DYTN: variants seen among roughly 807,000 people sequenced by gnomAD.
DYTN encodes dystrotelin.
DYTN carries 75 observed loss-of-function variants against 69.6 expected under a neutral mutation model. That is an observed-to-expected ratio of 1.08 (90% confidence interval 0.89 to 1.31). The LOEUF is 1.31. Ranked by LOEUF, DYTN falls within the 50% of genes most tolerant of loss-of-function variation. DYTN has a pLI of 0.00. For synonymous variants in DYTN, 252 were observed against 249.1 expected, an observed-to-expected ratio of 1.01 and a Z score of -0.11; for missense variants, 726 against 688.4, an observed-to-expected ratio of 1.05 and a Z score of -0.61.
intron 1 of DYTN, among the ~76,000 whole-genome samples, chr2:206,716,137 G>A (rs961739070): frequency 5.3e-5 from 8 of 151,994 alleles, no homozygotes; most frequent in Admixed American, 3.3e-4. Flanking sequence ...GAAAGAAAGT[G>A]AACTCAGCCT....
chr2:206,651,626 A>C lies in DYTN; in HGVS notation c.*192T>G, dbSNP rs774849011. The C allele has an allele frequency of 1.4e-3, 739 of 535,114 alleles. 3 individuals are homozygous for C. The highest frequency in any genetic ancestry group is 1.9e-3 in the Non-Finnish European group (548 of 291,072). The allele number at this position is 535,114 out of a possible 1,614,324, so 33.1% of individuals were successfully genotyped here. A position where few individuals can be genotyped will look rare whatever the true frequency, so the allele number is the denominator to read the frequency against. ...TTCTTCATCCTCTACTCGCCCTGCT[A>C]ACCCCCAACCTTCACTCTGAACTGC... On this transcript the variant is annotated 3_prime_UTR_variant, in exon 12 of 12. Coordinates refer to ENST00000452335, the MANE Select transcript of DYTN (RefSeq NM_001093730.1).
At chr2:206,676,140 G>T (rs190830359) in intron 9 of DYTN, among the ~76,000 whole-genome samples, 14 of 152,288 alleles carry the variant, frequency 9.2e-5, no homozygotes, top group Non-Finnish European at 2.9e-5. Context: ...TAGGTTTAAT[G>T]CAGCACTATT....
intron 9 of DYTN, among the ~76,000 whole-genome samples, chr2:206,678,302 A>T (rs949900805): frequency 1.3e-5 from 2 of 152,234 alleles, no homozygotes; most frequent in Non-Finnish European, 2.9e-5. Flanking sequence ...ACAAGGCGAT[A>T]GTCAATATTA....
chr2:206,653,365 T>C (rs1012176167), intron 11 of DYTN, among the ~76,000 whole-genome samples: 24 of 152,228 alleles, frequency 1.6e-4, no homozygotes, highest in Admixed American at 6.5e-5. Context: ...AGCATGTTGC[T>C]TGGCATATAT....
intron 1 of DYTN, among the ~76,000 whole-genome samples, chr2:206,715,345 G>C (rs764775208): frequency 6.6e-6 from 1 of 152,116 alleles, no homozygotes; most frequent in East Asian, 1.9e-4. Context: ...CCAGAGGCGA[G>C]GGGGAGGGGA....
rs1699589374 is a variant in DYTN at position 206,667,736 on chromosome 2, A to G, written c.981-1707T>C. ...TGTGTGTGTGTGTGTGTGTGTTGACATGTCTTCTGGATCAGGCCTAAAATA... is the reference window on the plus strand; with the variant it reads ...TGTGTGTGTGTGTGTGTGTGTTGACGTGTCTTCTGGATCAGGCCTAAAATA... On this transcript the variant is annotated intron_variant, in intron 9 of 11. Transcript: ENST00000452335. Among the ~76,000 whole-genome samples the G allele has an allele frequency of 3.5e-5, 5 of 141,964 alleles. No individual in the cohort carries two copies. In the Admixed American group the frequency reaches 3.5e-4, roughly 10 times the overall value. The allele number at this position is 141,964 out of a possible 152,430, so 93.1% of individuals were successfully genotyped here. A position where few individuals can be genotyped will look rare whatever the true frequency, so the allele number is the denominator to read the frequency against.
chr2:206,688,736 AT>A (rs1699836714), intron 9 of DYTN, among the ~76,000 whole-genome samples: 1 of 152,198 alleles, frequency 6.6e-6, no homozygotes, highest in African/African-American at 2.4e-5. Context: ...TAGTCTTCTC[AT>A]TTAGAAATTT....
rs79683438 is a variant in DYTN at position 206,664,074 on chromosome 2, A to G, written c.1141-679T>C. Among the ~76,000 whole-genome samples, 9 of 111,350 alleles carry G rather than the reference A, an allele frequency of 8.1e-5. No individual in the cohort carries two copies. In the East Asian group the frequency reaches 1.5e-3, roughly 18 times the overall value. 73.0% of individuals were successfully genotyped at this position (111,350 alleles called of 152,430 possible). A position where few individuals can be genotyped will look rare whatever the true frequency, so the allele number is the denominator to read the frequency against. ...CTTCACCCTCATACACTAGCAGTGG[A>G]AAAAAAAAAAAGCCAGTTCTGCTTA... On this transcript the variant is annotated intron_variant, in intron 10 of 11. Coordinates refer to ENST00000452335, the MANE Select transcript of DYTN (RefSeq NM_001093730.1).
At chr2:206,663,488 A>G in intron 10 of DYTN, 93 bp from the exon 11 acceptor site, 2 of 1,330,632 alleles carry the variant, frequency 1.5e-6, no homozygotes, top group Non-Finnish European at 2.0e-6. Context: ...AGAACATTCT[A>G]ATGCAAGACT....
chr2:206,717,085 AC>A (rs1195944804), intron 1 of DYTN, among the ~76,000 whole-genome samples: 7 of 113,194 alleles, frequency 6.2e-5, no homozygotes, highest in African/African-American at 2.4e-4. Context: ...CACAAAACAA[AC>A]TCAAGAAAGG....
rs1314103118 is a variant in DYTN at position 206,663,478 on chromosome 2, A to G, written c.1141-83T>C. 1.7e-5 allele frequency: 24 copies of G among 1,404,898 alleles called. No homozygotes were observed. In the East Asian group the frequency reaches 5.8e-4, roughly 34 times the overall value. 87.0% of individuals were successfully genotyped at this position (1,404,898 alleles called of 1,614,324 possible). A position where few individuals can be genotyped will look rare whatever the true frequency, so the allele number is the denominator to read the frequency against. On this transcript the variant is annotated intron_variant, in intron 10 of 11. Transcript: ENST00000452335. ...ATGCATTACATTTCAACATTCCAACAGAACATTCTAATGCAAGACTTTTCT... is the reference window on the plus strand; with the variant it reads ...ATGCATTACATTTCAACATTCCAACGGAACATTCTAATGCAAGACTTTTCT...
intron 9 of DYTN, among the ~76,000 whole-genome samples, chr2:206,668,802 C>T (rs1699600695): frequency 6.6e-6 from 1 of 152,126 alleles, no homozygotes. Context: ...GTAATTAAAT[C>T]ATGAGGGCAG....
At chr2:206,718,186 G>C in intron 1 of DYTN, 75 bp downstream of exon 1, 1 of 1,456,068 alleles carries the variant, frequency 6.9e-7, no homozygotes, top group Non-Finnish European at 9.3e-7. Flanking sequence ...TCAAATCAGA[G>C]GTCTGAAAAT....
chr2:206,683,816 T>C (rs895663007), intron 9 of DYTN, among the ~76,000 whole-genome samples: 7 of 152,124 alleles, frequency 4.6e-5, no homozygotes, highest in African/African-American at 1.4e-4. Context: ...GCAGTGTCCT[T>C]TTCTCAGATG....
intron 9 of DYTN, among the ~76,000 whole-genome samples, chr2:206,677,408 A>C (rs1286864958): frequency 1.3e-5 from 2 of 151,786 alleles, no homozygotes; most frequent in African/African-American, 4.9e-5. Context: ...TGAGCTGAAT[A>C]GATAGCATTA....
chr2:206,668,256 C>T (rs1222181410), intron 9 of DYTN, among the ~76,000 whole-genome samples: 1 of 152,222 alleles, frequency 6.6e-6, no homozygotes, highest in East Asian at 1.9e-4. Flanking sequence ...TGTCTGCTTC[C>T]TCCACTCTGG....
At chr2:206,698,958 G>A (rs568413547) in intron 7 of DYTN, among the ~76,000 whole-genome samples, 183 of 152,286 alleles carry the variant, frequency 1.2e-3, no homozygotes, top group Non-Finnish European at 2.0e-3. Flanking sequence ...AATCATGTAG[G>A]TTATTTAACT....
At chr2:206,714,996 G>A (rs927472403) in intron 1 of DYTN, among the ~76,000 whole-genome samples, 1 of 150,782 alleles carries the variant, frequency 6.6e-6, no homozygotes, top group Admixed American at 6.6e-5. Flanking sequence ...TGCTAATGTA[G>A]CTACTTAGTG....
At position 206,661,796 on chromosome 2, in the gene DYTN, G is replaced by A. The variant is rs556147262; in HGVS notation, c.1633+1107C>T. 6.6e-5 allele frequency among the ~76,000 whole-genome samples: 10 copies of A among 152,192 alleles called. No individual in the cohort carries two copies. The East Asian group carries it at 7.7e-4, about 12-fold the overall frequency. On this transcript the variant is annotated intron_variant, in intron 11 of 11. Transcript: ENST00000452335. ...AGTTTTGGGGAGTAAAGTTACATGC[G>A]AATTTTCAACTGTGCAGGGGGCCAG...
Sources: allele counts gnomAD v4.1 joint callset (sites outside exome capture counted in the v4.1 genomes callset), GRCh38; gene constraint gnomAD v4.1.1; transcripts MANE v1.5; gene names NCBI Gene and HGNC (gene_info 2026-07-23, HGNC 2026-07-21).